The following SPOCK3 variants were observed in gnomAD, a reference collection of about 807,000 sequenced individuals.
SPOCK3 encodes SPARC (osteonectin), cwcv and kazal like domains proteoglycan 3, also known as testican-3.
SPOCK3 carries 30 observed loss-of-function variants against 56.6 expected under a neutral mutation model. The ratio of observed to expected loss-of-function variants is 0.53; its 90% CI spans 0.40 to 0.72. The LOEUF is 0.72. SPOCK3 is among the 30% of genes least tolerant of loss of function. The pLI is 0.00. For synonymous variants in SPOCK3, 196 were observed against 183.3 expected (o/e 1.07, Z -0.56); for missense variants, 527 against 530.0 (o/e 0.99, Z 0.06).
At chr4:166,877,197 T>C (rs1013072916) in intron 6 of SPOCK3, among the ~76,000 whole-genome samples, 31 of 152,172 alleles carry the variant, frequency 2.0e-4, no homozygotes, top group African/African-American at 7.5e-4. Context: ...TGTACACAAA[T>C]TATTTTGTGT....
chr4:166,957,852 G>C (rs1743665942), intron 4 of SPOCK3, among the ~76,000 whole-genome samples: 1 of 152,100 alleles, frequency 6.6e-6, no homozygotes, highest in Non-Finnish European at 1.5e-5. Flanking sequence ...TAACCAATTT[G>C]TGTTTTATTT....
At chr4:167,142,741 T>C (rs1210191508) in intron 2 of SPOCK3, among the ~76,000 whole-genome samples, 2 of 151,950 alleles carry the variant, frequency 1.3e-5, no homozygotes, top group Non-Finnish European at 2.9e-5. Flanking sequence ...TTTTAGGAAA[T>C]AGATTAAGAA....
intron 2 of SPOCK3, among the ~76,000 whole-genome samples, chr4:167,084,023 G>C (rs1396696067): frequency 6.6e-6 from 1 of 152,102 alleles, no homozygotes; most frequent in Non-Finnish European, 1.5e-5. Flanking sequence ...AAAATATGGA[G>C]AATAATCCTT....
At chr4:167,231,729 A>G (rs1737197741) in intron 2 of SPOCK3, among the ~76,000 whole-genome samples, 2 of 152,144 alleles carry the variant, frequency 1.3e-5, no homozygotes, top group Non-Finnish European at 2.9e-5. Flanking sequence ...ATTATATATT[A>G]TGCATTCTGA....
chr4:167,064,504 C>T (rs531040551), intron 2 of SPOCK3, among the ~76,000 whole-genome samples: 35 of 151,874 alleles, frequency 2.3e-4, no homozygotes, highest in African/African-American at 6.7e-4. Flanking sequence ...AGCTGAGCAA[C>T]GTAACATACT....
chr4:167,010,815 TC>T (rs1211502112), intron 3 of SPOCK3, among the ~76,000 whole-genome samples: 1 of 150,206 alleles, frequency 6.7e-6, no homozygotes, highest in Non-Finnish European at 1.5e-5. Flanking sequence ...ATGATTAATT[TC>T]CAGTGGGGGG....
At chr4:167,213,056 G>T (rs545768116) in intron 2 of SPOCK3, among the ~76,000 whole-genome samples, 1 of 152,174 alleles carries the variant, frequency 6.6e-6, no homozygotes, top group East Asian at 1.9e-4. Flanking sequence ...TTTTCCAGAC[G>T]TTTATTTACA....
intron 2 of SPOCK3, among the ~76,000 whole-genome samples, chr4:167,131,847 C>T (rs1762725572): frequency 6.6e-6 from 1 of 152,066 alleles, no homozygotes; most frequent in African/African-American, 2.4e-5. Flanking sequence ...ACAAACCAAC[C>T]CATGAAGTAT....
chr4:167,039,420 C>T (rs1418912077), intron 3 of SPOCK3, among the ~76,000 whole-genome samples: 1 of 152,130 alleles, frequency 6.6e-6, no homozygotes, highest in Non-Finnish European at 1.5e-5. Context: ...GTGACAATAA[C>T]ACTTAAAATC....
At chr4:166,950,304 G>C (rs1742388838) in intron 4 of SPOCK3, among the ~76,000 whole-genome samples, 2 of 151,384 alleles carry the variant, frequency 1.3e-5, no homozygotes, top group Non-Finnish European at 2.9e-5. Context: ...TGATAAAACA[G>C]ACTTTAAACC....
intron 2 of SPOCK3, among the ~76,000 whole-genome samples, chr4:167,135,564 A>G (rs1763042473): frequency 1.3e-5 from 2 of 152,132 alleles, no homozygotes; most frequent in African/African-American, 4.8e-5. Flanking sequence ...CCAGTGTACT[A>G]TATGAGTCAT....
intron 2 of SPOCK3, among the ~76,000 whole-genome samples, chr4:167,108,071 C>T (rs1012950532): frequency 2.6e-5 from 4 of 151,854 alleles, no homozygotes; most frequent in African/African-American, 4.8e-5. Context: ...TATCATTCAT[C>T]ATCACAGAAA....
chr4:166,947,525 C>T (rs1337767737), intron 4 of SPOCK3, among the ~76,000 whole-genome samples: 1 of 152,058 alleles, frequency 6.6e-6, no homozygotes, highest in African/African-American at 2.4e-5. Flanking sequence ...AACATTCTCA[C>T]AAATGAGATT....
At chr4:166,894,379 G>C (rs1735130390) in intron 5 of SPOCK3, among the ~76,000 whole-genome samples, 1 of 152,100 alleles carries the variant, frequency 6.6e-6, no homozygotes, top group Non-Finnish European at 1.5e-5. Flanking sequence ...TAACACTAGA[G>C]ATGTGAGCAT....
At chr4:167,224,646 T>C (rs1442222962) in intron 2 of SPOCK3, among the ~76,000 whole-genome samples, 3 of 152,128 alleles carry the variant, frequency 2.0e-5, no homozygotes, top group Non-Finnish European at 2.9e-5. Flanking sequence ...ATAAATGCAA[T>C]AAAAAAGTAC....
At chr4:167,061,642 C>A (rs917005737) in intron 3 of SPOCK3, among the ~76,000 whole-genome samples, 1 of 151,826 alleles carries the variant, frequency 6.6e-6, no homozygotes, top group Non-Finnish European at 1.5e-5. Flanking sequence ...CTTTAAATAA[C>A]ATATTGTGTC....
intron 6 of SPOCK3, among the ~76,000 whole-genome samples, chr4:166,831,767 T>G (rs1746090470): frequency 6.6e-6 from 1 of 151,332 alleles, no homozygotes; most frequent in South Asian, 2.1e-4. Flanking sequence ...TGTTTTTTTT[T>G]TTTTAAATTT....
intron 9 of SPOCK3, among the ~76,000 whole-genome samples, chr4:166,738,473 T>A (rs940895903): frequency 2.6e-5 from 4 of 151,574 alleles, no homozygotes; most frequent in African/African-American, 4.8e-5. Context: ...TTTTTCTTTT[T>A]TTATTATTAT....
chr4:167,000,570 A>T, intron 3 of SPOCK3, 107 bp from the exon 4 acceptor site: 1 of 566,656 alleles, frequency 1.8e-6, no homozygotes, highest in Non-Finnish European at 3.1e-6. Context: ...CTTAATTGTA[A>T]ACTTTCTTCA....
Sources: gnomAD v4.1 joint callset for allele counts (sites outside exome capture counted in the v4.1 genomes callset) on GRCh38, gnomAD v4.1.1 for gene constraint, MANE v1.5 for transcripts, NCBI Gene and HGNC (gene_info 2026-07-23, HGNC 2026-07-21) for gene names.